Variants in ADGRL3 observed in about 807,000 individuals in gnomAD.
ADGRL3 encodes calcium-independent alpha-latrotoxin receptor 3.
Under a neutral mutation model 153.5 loss-of-function variants are expected in ADGRL3, and 62 were observed. That is an observed-to-expected ratio of 0.40 (90% CI 0.33 to 0.50). The LOEUF (loss-of-function observed/expected upper bound fraction) is 0.50. Among genes scored for constraint, ADGRL3 ranks in the 20% least tolerant of loss-of-function variants. The pLI is 0.47. For missense variants in ADGRL3, 1,641 were observed against 1,859.4 expected (o/e 0.88, Z 2.16); for synonymous variants, 710 against 672.5 (o/e 1.06, Z -0.86).
intron 13 of ADGRL3, among the ~76,000 whole-genome samples, chr4:61,913,254 T>C (rs187246759): frequency 6.6e-6 from 1 of 152,244 alleles, no homozygotes; most frequent in East Asian, 1.9e-4. Flanking sequence ...AAAACTGTAA[T>C]CCCAATGTAA....
intron 23 of ADGRL3, among the ~76,000 whole-genome samples, chr4:62,036,927 A>G (rs1220144884): frequency 1.3e-5 from 2 of 152,078 alleles, no homozygotes; most frequent in African/African-American, 2.4e-5. Context: ...AGACATGATA[A>G]AATTTTTACC....
At chr4:61,371,746 T>C (rs1433639561) in intron 1 of ADGRL3, among the ~76,000 whole-genome samples, 10 of 152,094 alleles carry the variant, frequency 6.6e-5, no homozygotes, top group Admixed American at 1.3e-4. Flanking sequence ...TTTGTGGCGT[T>C]CTCTGTATTT....
At chr4:61,348,090 A>C (rs1277841047) in intron 1 of ADGRL3, among the ~76,000 whole-genome samples, 1 of 152,068 alleles carries the variant, frequency 6.6e-6, no homozygotes, top group Admixed American at 6.6e-5. Flanking sequence ...CAAACTTATA[A>C]GATAAACAAT....
chr4:62,028,903 G>T (rs1458134910), intron 22 of ADGRL3, 22 bp downstream of exon 22: 2 of 1,599,116 alleles, frequency 1.3e-6, no homozygotes, highest in South Asian at 2.2e-5. Flanking sequence ...CTGAATGGCT[G>T]ATAAATTCCG....
intron 2 of ADGRL3, among the ~76,000 whole-genome samples, chr4:61,453,521 T>G (rs2097699477): frequency 1.3e-5 from 2 of 152,154 alleles, no homozygotes; most frequent in Non-Finnish European, 2.9e-5. Flanking sequence ...AATTTTTATT[T>G]ATTTATTTTT....
At chr4:61,388,345 C>G (rs1181519826) in intron 2 of ADGRL3, among the ~76,000 whole-genome samples, 1 of 152,092 alleles carries the variant, frequency 6.6e-6, no homozygotes, top group Non-Finnish European at 1.5e-5. Context: ...TTTTGAGCCT[C>G]AAAAGGAAAG....
At chr4:61,874,941 T>C (rs2098466372) in intron 9 of ADGRL3, among the ~76,000 whole-genome samples, 1 of 151,004 alleles carries the variant, frequency 6.6e-6, no homozygotes. Flanking sequence ...CCCGAGTAGC[T>C]GGGACTACAG....
At chr4:61,703,055 G>C (rs2095796740) in intron 6 of ADGRL3, among the ~76,000 whole-genome samples, 1 of 151,852 alleles carries the variant, frequency 6.6e-6, no homozygotes, top group African/African-American at 2.4e-5. Context: ...TTTGACACAA[G>C]GTATTTCTTT....
At chr4:61,489,805 G>C (rs1289800381) in intron 2 of ADGRL3, among the ~76,000 whole-genome samples, 1 of 151,940 alleles carries the variant, frequency 6.6e-6, no homozygotes, top group Non-Finnish European at 1.5e-5. Flanking sequence ...TGAATATTTA[G>C]GAGCAATATA....
intron 2 of ADGRL3, among the ~76,000 whole-genome samples, chr4:61,426,520 C>T (rs1400962744): frequency 2.0e-5 from 3 of 152,122 alleles, no homozygotes; most frequent in Admixed American, 6.5e-5. Flanking sequence ...CCTCCATAGC[C>T]GTCTATGTAT....
At chr4:61,205,281 G>T (rs1186920517) in intron 1 of ADGRL3, among the ~76,000 whole-genome samples, 1 of 152,212 alleles carries the variant, frequency 6.6e-6, no homozygotes, top group Non-Finnish European at 1.5e-5. Context: ...GACAGTTACT[G>T]TTAGAAGTGG....
chr4:62,028,722 A>C lies in ADGRL3; in HGVS notation c.3396-133A>C, dbSNP rs1444186496. The C allele has an allele frequency of 1.0e-5, 6 of 593,326 alleles. No homozygotes were observed. The East Asian group carries it at 1.5e-4, about 15-fold the overall frequency. 36.8% of individuals were successfully genotyped at this position (593,326 alleles called of 1,614,324 possible). A position where few individuals can be genotyped will look rare whatever the true frequency, so the allele number is the denominator to read the frequency against. On this transcript the variant is annotated intron_variant, in intron 21 of 26. Coordinates refer to ENST00000683033, the MANE Select transcript of ADGRL3 (RefSeq NM_001387552.1). ...TTTTAGGATTTACCTTCTAGATATA[A>C]AGGATAATGATTTCTTTTAGGGAGG...
chr4:61,661,047 G>A (rs17090521), intron 5 of ADGRL3, among the ~76,000 whole-genome samples: 2,650 of 151,876 alleles, frequency 0.017, 82 homozygotes, highest in African/African-American at 0.06. Context: ...TGCCCTATAC[G>A]TTATTACCTC....
chr4:61,725,417 C>T (rs935613304), intron 6 of ADGRL3, among the ~76,000 whole-genome samples: 3 of 151,810 alleles, frequency 2.0e-5, no homozygotes, highest in African/African-American at 7.3e-5. Flanking sequence ...ACAGTGAAAC[C>T]CCATCTCTAC....
chr4:61,413,061 T>C (rs2097105813), intron 2 of ADGRL3, among the ~76,000 whole-genome samples: 1 of 152,194 alleles, frequency 6.6e-6, no homozygotes, highest in South Asian at 2.1e-4. Flanking sequence ...TGAGCTGGTT[T>C]CTTTTCTCAC....
intron 19 of ADGRL3, among the ~76,000 whole-genome samples, chr4:61,989,902 G>T (rs2099097927): frequency 6.6e-6 from 1 of 151,982 alleles, no homozygotes; most frequent in Non-Finnish European, 1.5e-5. Context: ...GACAAACATT[G>T]TTGAAGATGT....
intron 4 of ADGRL3, among the ~76,000 whole-genome samples, chr4:61,569,903 T>G (rs926900522): frequency 4.6e-5 from 7 of 152,184 alleles, no homozygotes; most frequent in African/African-American, 1.7e-4. Flanking sequence ...AAAAGTATTT[T>G]TATCATCTAC....
At chr4:61,772,850 G>T (rs2097102500) in intron 8 of ADGRL3, among the ~76,000 whole-genome samples, 1 of 152,086 alleles carries the variant, frequency 6.6e-6, no homozygotes, top group Non-Finnish European at 1.5e-5. Flanking sequence ...GTATTATGGG[G>T]TAGTGTGTTC....
chr4:61,291,924 A>ATGGTATGATAAAATG (rs1352783393), intron 1 of ADGRL3, among the ~76,000 whole-genome samples: 11 of 148,068 alleles, frequency 7.4e-5, no homozygotes, highest in Non-Finnish European at 3.0e-5. Flanking sequence ...GATAATTTTT[A>ATGGTATGATAAAATG]CAGGCTGATG....
Sources: allele counts gnomAD v4.1 joint callset (sites outside exome capture counted in the v4.1 genomes callset), GRCh38; gene constraint gnomAD v4.1.1; transcripts MANE v1.5; gene names NCBI Gene and HGNC (gene_info 2026-07-23, HGNC 2026-07-21).